ABTB3: variants seen among roughly 807,000 people sequenced by gnomAD.
ABTB3 encodes ankyrin repeat- and BTB/POZ domain-containing protein 3.
the ABTB3 span, among the ~76,000 whole-genome samples, chr12:107,598,578 G>A: frequency 6.6e-6 from 1 of 152,186 alleles, no homozygotes; most frequent in Non-Finnish European, 1.5e-5. Context: ...TCTTTCCCAG[G>A]TGATCTTCTT....
chr12:107,319,556 C>G, the ABTB3 span: 1 of 1,545,904 alleles, frequency 6.5e-7, no homozygotes, highest in African/African-American at 1.4e-5. Flanking sequence ...CAAGTCGGCC[C>G]GCTGCGGCCT....
chr12:107,456,305 G>C, the ABTB3 span, among the ~76,000 whole-genome samples: 1 of 152,210 alleles, frequency 6.6e-6, no homozygotes, highest in Admixed American at 6.5e-5. Flanking sequence ...GAACTGGGCC[G>C]CATAGCAGGA....
chr12:107,521,114 G>A, the ABTB3 span, among the ~76,000 whole-genome samples: 5 of 152,150 alleles, frequency 3.3e-5, no homozygotes, highest in Non-Finnish European at 5.9e-5. Context: ...GGCTAAAGGA[G>A]GACAATGGTC....
At chr12:107,639,554 G>A in the ABTB3 span, among the ~76,000 whole-genome samples, 2 of 152,212 alleles carry the variant, frequency 1.3e-5, no homozygotes, top group African/African-American at 4.8e-5. Context: ...AGGACAGGGG[G>A]TGATGATGGA....
At chr12:107,429,639 G>A in the ABTB3 span, among the ~76,000 whole-genome samples, 2 of 152,170 alleles carry the variant, frequency 1.3e-5, no homozygotes, top group Non-Finnish European at 2.9e-5. Flanking sequence ...GGTTCTGAGA[G>A]GTTTGACTCA....
chr12:107,341,893 A>G, the ABTB3 span, among the ~76,000 whole-genome samples: 6 of 152,184 alleles, frequency 3.9e-5, no homozygotes, highest in Non-Finnish European at 7.4e-5. Flanking sequence ...CGCTTTTGCC[A>G]TGTGACATGC....
the ABTB3 span, among the ~76,000 whole-genome samples, chr12:107,576,198 C>A: frequency 6.6e-6 from 1 of 152,224 alleles, no homozygotes; most frequent in African/African-American, 2.4e-5. Flanking sequence ...AATAGGATTT[C>A]TTGGTTTGGG....
chr12:107,464,978 C>CACACA, the ABTB3 span, among the ~76,000 whole-genome samples: 1 of 150,736 alleles, frequency 6.6e-6, no homozygotes, highest in African/African-American at 2.5e-5. Flanking sequence ...ACACACACAC[C>CACACA]CCAGAGAATT....
the ABTB3 span, among the ~76,000 whole-genome samples, chr12:107,636,387 C>T: frequency 3.9e-5 from 6 of 152,156 alleles, no homozygotes; most frequent in African/African-American, 1.4e-4. Context: ...GATTCTTTTT[C>T]CCTAGATAGG....
the ABTB3 span, among the ~76,000 whole-genome samples, chr12:107,646,013 G>A: frequency 6.6e-6 from 1 of 152,242 alleles, no homozygotes; most frequent in African/African-American, 2.4e-5. Context: ...TTCAGTCCAT[G>A]CTGACAGAAG....
the ABTB3 span, among the ~76,000 whole-genome samples, chr12:107,495,081 G>A: frequency 6.6e-6 from 1 of 152,190 alleles, no homozygotes; most frequent in Non-Finnish European, 1.5e-5. Context: ...CAGCGCCCAA[G>A]GAGTCCTCTC....
At chr12:107,338,798 C>A in the ABTB3 span, among the ~76,000 whole-genome samples, 1 of 152,192 alleles carries the variant, frequency 6.6e-6, no homozygotes, top group Non-Finnish European at 1.5e-5. Context: ...GAGAGCCACC[C>A]AGAGCATTTT....
At chr12:107,450,269 T>C in the ABTB3 span, among the ~76,000 whole-genome samples, 1 of 152,194 alleles carries the variant, frequency 6.6e-6, no homozygotes, top group African/African-American at 2.4e-5. Context: ...GTTGATATTG[T>C]AGGGGCAAGG....
chr12:107,464,970 AC>A, the ABTB3 span, among the ~76,000 whole-genome samples: 1 of 151,902 alleles, frequency 6.6e-6, no homozygotes, highest in African/African-American at 2.4e-5. Context: ...ACACACACAC[AC>A]ACACACCCCA....
At chr12:107,370,369 C>T in the ABTB3 span, among the ~76,000 whole-genome samples, 2 of 152,228 alleles carry the variant, frequency 1.3e-5, no homozygotes, top group African/African-American at 4.8e-5. Flanking sequence ...CAGGGACACA[C>T]ACTTTCTCTT....
chr12:107,563,295 T>C, the ABTB3 span, among the ~76,000 whole-genome samples: 4 of 152,182 alleles, frequency 2.6e-5, no homozygotes, highest in Non-Finnish European at 5.9e-5. Flanking sequence ...AATTGTACAT[T>C]CATTAATTCA....
At chr12:107,492,860 A>G in the ABTB3 span, among the ~76,000 whole-genome samples, 1 of 152,132 alleles carries the variant, frequency 6.6e-6, no homozygotes, top group Non-Finnish European at 1.5e-5. Context: ...TTGAGCAGCC[A>G]CTTGCCTTCC....
At chr12:107,444,062 C>A in the ABTB3 span, among the ~76,000 whole-genome samples, 1 of 152,328 alleles carries the variant, frequency 6.6e-6, no homozygotes, top group African/African-American at 2.4e-5. Flanking sequence ...CCTTGCAGTT[C>A]TGGCCACTAG....
At chr12:107,655,854 G>A in the ABTB3 span, among the ~76,000 whole-genome samples, 1 of 152,222 alleles carries the variant, frequency 6.6e-6, no homozygotes, top group Non-Finnish European at 1.5e-5. Context: ...TGGTTCATCA[G>A]ATTGAATCTC....
Sources: gnomAD v4.1 joint callset for allele counts (sites outside exome capture counted in the v4.1 genomes callset) on GRCh38, gnomAD v4.1.1 for gene constraint, MANE v1.5 for transcripts, NCBI Gene and HGNC (gene_info 2026-07-23, HGNC 2026-07-21) for gene names.